Variants in CDIN1 observed in about 807,000 individuals in gnomAD.
The protein encoded by CDIN1 is CDAN1 interacting nuclease 1.
In CDIN1, 33 loss-of-function variants were observed where a neutral mutation model predicts 45.3. The ratio of observed to expected loss-of-function variants is 0.73; its 90% CI spans 0.55 to 0.97. The LOEUF is 0.97. CDIN1 is among the 50% of genes least tolerant of loss of function. The pLI is 0.00. For missense variants in CDIN1, 303 were observed against 339.4 expected (o/e 0.89, Z 0.84); for synonymous variants, 118 against 124.4 (o/e 0.95, Z 0.34).
intron 3 of CDIN1, among the ~76,000 whole-genome samples, chr15:36,650,701 C>T (rs1037294767): frequency 1.3e-5 from 2 of 152,038 alleles, no homozygotes; most frequent in African/African-American, 4.8e-5. Flanking sequence ...CCTTGGCCTC[C>T]CAAAGTGCTG....
chr15:36,626,713 C>A, intron 1 of CDIN1: 2 of 432,106 alleles, frequency 4.6e-6, no homozygotes, highest in South Asian at 3.5e-5. Flanking sequence ...TATTCTGGTT[C>A]ACCTGAAAAT....
intron 3 of CDIN1, among the ~76,000 whole-genome samples, chr15:36,653,717 G>T (rs1256950380): frequency 1.3e-5 from 2 of 152,192 alleles, no homozygotes; most frequent in South Asian, 4.1e-4. Flanking sequence ...GGCAAGATGG[G>T]TGCATGAATG....
intron 1 of CDIN1, among the ~76,000 whole-genome samples, chr15:36,589,948 A>G (rs1261024532): frequency 6.6e-6 from 1 of 152,210 alleles, no homozygotes; most frequent in Non-Finnish European, 1.5e-5. Flanking sequence ...ACCCTGTTCT[A>G]GCCACTTTGG....
chr15:36,658,112 A>T (rs2040852786), intron 5 of CDIN1: 2 of 458,036 alleles, frequency 4.4e-6, no homozygotes, highest in Admixed American at 3.8e-5. Flanking sequence ...TAAATTCCAC[A>T]CTCAACCTCT....
intron 1 of CDIN1, among the ~76,000 whole-genome samples, chr15:36,594,085 T>G (rs955174535): frequency 6.6e-5 from 10 of 152,204 alleles, no homozygotes; most frequent in African/African-American, 2.2e-4. Context: ...AATCACATAA[T>G]TGTAATAGTA....
chr15:36,745,201 T>C (rs1005731806), intron 10 of CDIN1, among the ~76,000 whole-genome samples: 1 of 152,080 alleles, frequency 6.6e-6, no homozygotes, highest in African/African-American at 2.4e-5. Flanking sequence ...ATTTTTACCA[T>C]TAAAATATTT....
intron 10 of CDIN1, among the ~76,000 whole-genome samples, chr15:36,762,296 T>C (rs1252877142): frequency 6.6e-6 from 1 of 152,198 alleles, no homozygotes; most frequent in African/African-American, 2.4e-5. Context: ...AAGGAATCCC[T>C]GAGAAAAGCT....
At chr15:36,647,368 G>C (rs1478500451) in intron 3 of CDIN1, among the ~76,000 whole-genome samples, 1 of 152,144 alleles carries the variant, frequency 6.6e-6, no homozygotes, top group Non-Finnish European at 1.5e-5. Flanking sequence ...GAACAGTTGA[G>C]TGGGTAATAA....
At chr15:36,653,809 A>G (rs1169437326) in intron 3 of CDIN1, among the ~76,000 whole-genome samples, 1 of 152,184 alleles carries the variant, frequency 6.6e-6, no homozygotes, top group East Asian at 1.9e-4. Context: ...AGTGATATGG[A>G]TAGTTCCTCT....
chr15:36,635,111 G>A (rs2039842620), intron 1 of CDIN1, among the ~76,000 whole-genome samples: 1 of 152,002 alleles, frequency 6.6e-6, no homozygotes, highest in Non-Finnish European at 1.5e-5. Context: ...GGGGGCAGGG[G>A]GCCTCTAACA....
chr15:36,719,819 G>C (rs1316545593), intron 10 of CDIN1, among the ~76,000 whole-genome samples: 1 of 152,014 alleles, frequency 6.6e-6, no homozygotes, highest in African/African-American at 2.4e-5. Flanking sequence ...AGACATTCAG[G>C]TTATGCCTTT....
chr15:36,775,352 A>G (rs2054192064), intron 10 of CDIN1, among the ~76,000 whole-genome samples: 1 of 152,224 alleles, frequency 6.6e-6, no homozygotes, highest in African/African-American at 2.4e-5. Context: ...TTGTATTAGC[A>G]AAGTGCACAT....
At chr15:36,763,193 T>C (rs1048041129) in intron 10 of CDIN1, among the ~76,000 whole-genome samples, 14 of 152,240 alleles carry the variant, frequency 9.2e-5, no homozygotes, top group Non-Finnish European at 1.0e-4. Context: ...TTCTAACTGG[T>C]GTGAGATGGT....
At chr15:36,655,360 C>T (rs1029217091) in intron 4 of CDIN1, among the ~76,000 whole-genome samples, 4 of 149,508 alleles carry the variant, frequency 2.7e-5, no homozygotes, top group Middle Eastern at 3.4e-3. Context: ...CAGAGTCTCA[C>T]TCTGTTGCCA....
chr15:36,772,108 G>A (rs962910535), intron 10 of CDIN1, among the ~76,000 whole-genome samples: 3 of 152,206 alleles, frequency 2.0e-5, no homozygotes, highest in Admixed American at 1.3e-4. Flanking sequence ...TATGTTAACA[G>A]TTACCCTATT....
In CDIN1 at chr15:36,736,472, T is replaced by C. The variant is rs115709915; in HGVS notation, c.716+26511T>C. Reference sequence around the variant, plus strand: ...CTCCCATGTTTGTTTCAAAGCCACATAGGCATGTGTCTACGAGATGCTGCT... The same window carrying C: ...CTCCCATGTTTGTTTCAAAGCCACACAGGCATGTGTCTACGAGATGCTGCT... On this transcript the variant is annotated intron_variant, in intron 10 of 10. Transcript: ENST00000566621. Among the ~76,000 whole-genome samples, 1,348 of 152,332 alleles carry C rather than the reference T, an allele frequency of 8.8e-3. 24 individuals carry two copies. The highest frequency in any genetic ancestry group is 0.03 in the African/African-American group (1,245 of 41,574).
intron 10 of CDIN1, chr15:36,734,279 G>A (rs1243705582): frequency 3.3e-6 from 1 of 300,374 alleles, no homozygotes; most frequent in African/African-American, 2.2e-5. Flanking sequence ...TATGCTGTTT[G>A]TTTTAATTAA....
chr15:36,598,370 A>G (rs57872958), intron 1 of CDIN1, among the ~76,000 whole-genome samples: 3,812 of 143,490 alleles, frequency 0.027, 155 homozygotes, highest in African/African-American at 0.09. Flanking sequence ...TCCATTGGAA[A>G]CAAAAGGTTT....
At chr15:36,692,026 G>GT in intron 6 of CDIN1, 100 bp from the exon 7 acceptor site, 1 of 1,154,052 alleles carries the variant, frequency 8.7e-7, no homozygotes, top group Non-Finnish European at 1.2e-6. Context: ...TGGGGGGCGG[G>GT]GGTGGGGGAA....
Sources: allele counts gnomAD v4.1 joint callset (sites outside exome capture counted in the v4.1 genomes callset), GRCh38; gene constraint gnomAD v4.1.1; transcripts MANE v1.5; gene names NCBI Gene and HGNC (gene_info 2026-07-23, HGNC 2026-07-21).